Variants in PER3 observed in about 807,000 individuals in gnomAD.
PER3 encodes period circadian protein homolog 3.
Under a neutral mutation model 127.2 loss-of-function variants are expected in PER3, and 107 were observed. The observed-to-expected ratio is 0.84, with a 90% CI of 0.72 to 0.99. PER3 has a LOEUF of 0.99. Among genes scored for constraint, PER3 ranks in the 50% least tolerant of loss-of-function variants. The pLI is 0.00. For missense variants in PER3, 1,560 were observed against 1,525.8 expected (o/e 1.02, Z -0.37); for synonymous variants, 618 against 585.8 (o/e 1.05, Z -0.79).
intron 14 of PER3, 79 bp from the exon 15 acceptor site, chr1:7,820,036 G>T (rs1291962131): frequency 2.1e-6 from 3 of 1,411,422 alleles, no homozygotes; most frequent in Non-Finnish European, 2.9e-6. Context: ...AACATAAGTG[G>T]CATGAGAAAA....
At chr1:7,820,327 A>G in intron 15 of PER3, 88 bp downstream of exon 15, 10 of 1,464,610 alleles carry the variant, frequency 6.8e-6, no homozygotes, top group Non-Finnish European at 9.3e-6. Flanking sequence ...TGTTATAAGC[A>G]TAAAATTCTG....
Position 7,836,994 on chromosome 1 carries a change from T to C in PER3, c.3399-5T>C. ...ACTATTAAGATTCTGTTTGTTTGTT[T>C]TCAGGGTTAAAGAAGTTGTACTAAA... On this transcript the variant is annotated splice_polypyrimidine_tract_variant and splice_region_variant and intron_variant, in intron 20 of 21. Transcript: ENST00000377532. 6.2e-7 allele frequency: 1 copy of C among 1,609,934 alleles called. No homozygotes were observed. Among genetic ancestry groups the C allele is most frequent in the Non-Finnish European group, 8.5e-7 (1 of 1,177,994 alleles).
rs1413160426 is a variant in PER3, at chr1:7,827,368, A to C, written c.2439A>C (p.Pro813=). Residue 813 remains proline, a synonymous_variant, in exon 18 of 22, where the codon CCA becomes CCC. Transcript: ENST00000377532. ...ACCTCGTCCCAGCTTTTCCCCTCCCAGCCGCGACCTCACCCGGAAGAGAAT... is the reference window on the plus strand; with the variant it reads ...ACCTCGTCCCAGCTTTTCCCCTCCCCGCCGCGACCTCACCCGGAAGAGAAT... ...APYLVPAFPL[P]AATSPGREYA... 3 of 1,614,004 alleles carry C rather than the reference A, an allele frequency of 1.9e-6. No homozygotes were observed. Among genetic ancestry groups the C allele is most frequent in the Middle Eastern group, 1.7e-4 (1 of 6,060 alleles).
In PER3 at chr1:7,827,718, G is replaced by T. The variant is rs772596101; in HGVS notation, c.2789G>T (p.Ser930Ile). Residue 930 changes from serine (S) to isoleucine (I), a missense_variant, in exon 18 of 22, where the codon AGC becomes ATC. Around this residue, in one of 3 missense-constraint regions of PER3, gnomAD observed 1,332 missense variants for 1,223.6 expected, o/e 1.09. Coordinates refer to ENST00000377532, the MANE Select transcript of PER3 (RefSeq NM_001377275.1). ...EGHPFITSRS[S>I]SPLQLNLLQE... is the part of the protein sequence containing the mutation. ...CACCCGTTCATTACTTCGAGAAGCA[G>T]CTCACCCTTGCAGTTAAACTTACTT... is the stretch of plus-strand genomic sequence containing the variant. The T allele has an allele frequency of 9.3e-6, 15 of 1,614,102 alleles. No individual in the cohort carries two copies. The South Asian group carries it at 1.5e-4, about 17-fold the overall frequency.
At chr1:7,834,148 G>C (rs2097346422) in intron 19 of PER3, among the ~76,000 whole-genome samples, 1 of 152,182 alleles carries the variant, frequency 6.6e-6, no homozygotes, top group Non-Finnish European at 1.5e-5. Flanking sequence ...TCAAACTCCT[G>C]ACCTCAGGCG....
chr1:7,824,052 C>G (rs1350996513), intron 16 of PER3, among the ~76,000 whole-genome samples: 1 of 152,088 alleles, frequency 6.6e-6, no homozygotes, highest in African/African-American at 2.4e-5. Flanking sequence ...AAAGAAATCA[C>G]AAAGAGAATT....
rs1318539107 is a variant in PER3, at chr1:7,820,523, A to G, written c.1840A>G (p.Ile614Val). 3.1e-6 allele frequency: 5 copies of G among 1,614,174 alleles called. No homozygotes were observed. Among genetic ancestry groups the G allele is most frequent in the Non-Finnish European group, 4.2e-6 (5 of 1,180,004 alleles). ...AGAAATGCCAACAAATGGACGGTCCATAGACACAGGAGGAGGAGCTCCACA... is the reference window on the plus strand; with the variant it reads ...AGAAATGCCAACAAATGGACGGTCCGTAGACACAGGAGGAGGAGCTCCACA... Reference protein sequence around the residue: ...KSEMPTNGRSIDTGGGAPQIL... With the variant: ...KSEMPTNGRSVDTGGGAPQIL... Residue 614 changes from isoleucine (I) to valine (V), a missense_variant, in exon 16 of 22, where the codon ATA becomes GTA. Coordinates refer to ENST00000377532, the MANE Select transcript of PER3 (RefSeq NM_001377275.1).
At chr1:7,785,058 G>A (rs1464959708) in intron 2 of PER3, 53 bp downstream of exon 2, 7 of 1,544,100 alleles carry the variant, frequency 4.5e-6, no homozygotes, top group East Asian at 2.4e-5. Flanking sequence ...TCCTTCCCTG[G>A]AGCAGGGAAA....
chr1:7,819,365 A>G lies in PER3; in HGVS notation c.1603A>G (p.Asn535Asp), dbSNP rs781395835. Reference protein sequence around the residue: ...VYTEPCEDLRNDEHSPSYQQI... With the variant: ...VYTEPCEDLRDDEHSPSYQQI... Reference sequence around the variant, plus strand: ...CACTGAGCCCTGTGAGGATTTGAGGAACGATGAGCACAGCCCATCCTATCA... The same window carrying G: ...CACTGAGCCCTGTGAGGATTTGAGGGACGATGAGCACAGCCCATCCTATCA... Residue 535 changes from asparagine (N) to aspartate (D), a missense_variant, in exon 14 of 22, where the codon AAC (asparagine) becomes GAC (aspartate). Asn to Asp is a conservative substitution (Grantham distance 23). This residue lies in a region of PER3 where 1,332 missense variants were observed against 1,223.6 expected (regional missense o/e 1.09). Transcript: ENST00000377532. The G allele has an allele frequency of 1.2e-5, 19 of 1,613,824 alleles. No individual in the cohort carries two copies. Among genetic ancestry groups the G allele is most frequent in the Non-Finnish European group, 1.6e-5 (19 of 1,179,792 alleles).
intron 8 of PER3, among the ~76,000 whole-genome samples, chr1:7,801,680 G>T: frequency 6.6e-6 from 1 of 152,108 alleles, no homozygotes; most frequent in Non-Finnish European, 1.5e-5. Flanking sequence ...TTGAACTTCT[G>T]TCCTTCCTAC....
intron 13 of PER3, among the ~76,000 whole-genome samples, chr1:7,817,650 G>C (rs1160668556): frequency 6.6e-6 from 1 of 152,124 alleles, no homozygotes; most frequent in Non-Finnish European, 1.5e-5. Flanking sequence ...GTGCTGGATT[G>C]GCGCGAACAG....
chr1:7,841,945 A>C (rs2097391815), intron 21 of PER3, among the ~76,000 whole-genome samples: 1 of 152,190 alleles, frequency 6.6e-6, no homozygotes, highest in Non-Finnish European at 1.5e-5. Context: ...TACAAACCTC[A>C]GTGGAGTAGC....
intron 12 of PER3, 87 bp downstream of exon 12, chr1:7,810,108 T>C: frequency 1.5e-6 from 2 of 1,309,802 alleles, no homozygotes; most frequent in Non-Finnish European, 2.1e-6. Flanking sequence ...TTAGTATATA[T>C]TCCTGACTTG....
chr1:7,797,927 G>T (rs1176648007), intron 6 of PER3, among the ~76,000 whole-genome samples: 1 of 152,200 alleles, frequency 6.6e-6, no homozygotes, highest in African/African-American at 2.4e-5. Context: ...GAGGTTCTTT[G>T]TGAGGAGTGG....
chr1:7,793,892 A>G, intron 5 of PER3, 65 bp from the exon 6 acceptor site: 1 of 1,324,410 alleles, frequency 7.6e-7, no homozygotes, highest in South Asian at 1.2e-5. Context: ...ATAATGGTGC[A>G]ACATTGTTTC....
intron 6 of PER3, among the ~76,000 whole-genome samples, chr1:7,794,450 G>A (rs182480340): frequency 4.6e-5 from 7 of 152,066 alleles, no homozygotes; most frequent in African/African-American, 1.2e-4. Context: ...CTGAGATGGC[G>A]CCATTGCACT....
chr1:7,838,379 C>A (rs2097368097), intron 21 of PER3, among the ~76,000 whole-genome samples: 1 of 152,112 alleles, frequency 6.6e-6, no homozygotes, highest in Non-Finnish European at 1.5e-5. Context: ...CCTCCTTCTC[C>A]CAACCCTTTG....
intron 6 of PER3, among the ~76,000 whole-genome samples, chr1:7,795,194 T>A (rs906244638): frequency 1.3e-5 from 2 of 152,180 alleles, no homozygotes; most frequent in Non-Finnish European, 2.9e-5. Flanking sequence ...CTTAGAACAG[T>A]TCCTGCCTCC....
chr1:7,827,366 C>G lies in PER3; in HGVS notation c.2437C>G (p.Pro813Ala), dbSNP rs745859533. The G allele has an allele frequency of 3.9e-5, 63 of 1,614,158 alleles. 1 individual carries two copies. In the South Asian group the frequency reaches 6.6e-4, roughly 17 times the overall value. ...TTACCTCGTCCCAGCTTTTCCCCTC[C>G]CAGCCGCGACCTCACCCGGAAGAGA... ...APYLVPAFPLPAATSPGREYA... is the reference protein window; with the variant it reads ...APYLVPAFPLAAATSPGREYA... The change falls in exon 18 of 22, where the codon CCA becomes GCA. Residue 813 changes from proline (P) to alanine (A), a missense_variant. This residue lies in a region of PER3 where 1,332 missense variants were observed against 1,223.6 expected (regional missense o/e 1.09). Transcript: ENST00000377532.
Sources: allele counts gnomAD v4.1 joint callset (sites outside exome capture counted in the v4.1 genomes callset), GRCh38; gene constraint gnomAD v4.1.1; regional missense constraint gnomAD v4.1.1; transcripts MANE v1.5; gene names NCBI Gene and HGNC (gene_info 2026-07-23, HGNC 2026-07-21).